Variants in PPTC7 observed in about 807,000 individuals in gnomAD.
The protein encoded by PPTC7 is protein phosphatase targeting COQ7.
PPTC7 carries 6 observed loss-of-function variants against 30.8 expected under a neutral mutation model. The observed-to-expected ratio is 0.19, with a 90% confidence interval of 0.11 to 0.38. The LOEUF (loss-of-function observed/expected upper bound fraction) is 0.38. PPTC7 is among the 10% of genes least tolerant of loss of function. The probability of loss-of-function intolerance (pLI) is 1.00; values close to 1 mark genes in which losing one functional copy is unlikely to be tolerated. For synonymous variants in PPTC7, 163 were observed against 168.1 expected, an observed-to-expected ratio of 0.97 and a Z score of 0.23; for missense variants, 218 against 404.8, an observed-to-expected ratio of 0.54 and a Z score of 3.96.
intron 5 of PPTC7, 101 bp downstream of exon 5, chr12:110,538,043 G>T: frequency 7.7e-7 from 1 of 1,295,956 alleles, no homozygotes; most frequent in Non-Finnish European, 1.1e-6. Flanking sequence ...TTGGGGGCTG[G>T]GAGAGGACAC....
intron 3 of PPTC7, among the ~76,000 whole-genome samples, chr12:110,540,800 G>A (rs1378494711): frequency 6.7e-6 from 1 of 149,292 alleles, no homozygotes; most frequent in Non-Finnish European, 1.5e-5. Context: ...TTTTGAGACA[G>A]AGTCTCGCTC....
chr12:110,564,487 T>C (rs942555617), intron 1 of PPTC7, among the ~76,000 whole-genome samples: 1 of 152,202 alleles, frequency 6.6e-6, no homozygotes, highest in Non-Finnish European at 1.5e-5. Flanking sequence ...AGATTAGATC[T>C]AGAATTCTTG....
intron 1 of PPTC7, among the ~76,000 whole-genome samples, chr12:110,581,898 C>A (rs564494167): frequency 1.3e-4 from 20 of 152,274 alleles, no homozygotes; most frequent in East Asian, 3.9e-4. Context: ...TCAAAGCGAG[C>A]GCATTGCTTT....
intron 3 of PPTC7, among the ~76,000 whole-genome samples, chr12:110,540,247 A>G (rs953793883): frequency 4.6e-5 from 7 of 151,802 alleles, no homozygotes; most frequent in Admixed American, 4.6e-4. Context: ...GTCAGATCTA[A>G]CACACCTCTA....
rs753427436 is a variant in PPTC7, at chr12:110,539,918, G to A, written c.630C>T (p.Phe210=). Reference sequence around the variant, plus strand: ...GGATAATGTCTCCTAGCTGGACATCGAAAGACGTGCTATCAGCAGCATCCG... The same window carrying A: ...GGATAATGTCTCCTAGCTGGACATCAAAAGACGTGCTATCAGCAGCATCCG... ...DSPDAADSTS[F]DVQLGDIILT... The change falls in exon 4 of 6, where the codon TTC becomes TTT. Residue 210 remains phenylalanine (F), a synonymous_variant. Transcript: ENST00000354300. The A allele has an allele frequency of 1.9e-6, 3 of 1,614,024 alleles. No homozygotes were observed. The highest frequency in any genetic ancestry group is 2.2e-5 in the East Asian group (1 of 44,880).
chr12:110,538,084 T>C (rs1052682074), intron 5 of PPTC7, 60 bp downstream of exon 5: 3 of 1,576,540 alleles, frequency 1.9e-6, no homozygotes, highest in African/African-American at 2.7e-5. Context: ...CCCAGAATGC[T>C]CCACTCTACT....
At chr12:110,565,954 A>G (rs1035822653) in intron 1 of PPTC7, among the ~76,000 whole-genome samples, 1 of 152,252 alleles carries the variant, frequency 6.6e-6, no homozygotes, top group Non-Finnish European at 1.5e-5. Flanking sequence ...ATGAAAGAAA[A>G]TGAGTTGTAG....
intron 1 of PPTC7, among the ~76,000 whole-genome samples, chr12:110,560,401 C>CAA (rs377025532): frequency 1.7e-4 from 24 of 137,162 alleles, no homozygotes; most frequent in South Asian, 1.2e-3. Flanking sequence ...GACCCTGTCT[C>CAA]AAAAAATAAA....
chr12:110,571,804 A>G (rs990126833), intron 1 of PPTC7, among the ~76,000 whole-genome samples: 2 of 152,224 alleles, frequency 1.3e-5, no homozygotes, highest in African/African-American at 4.8e-5. Flanking sequence ...GAAAAAAATG[A>G]CAGGATCAAA....
intron 1 of PPTC7, among the ~76,000 whole-genome samples, chr12:110,553,397 G>T (rs981154708): frequency 1.3e-5 from 2 of 151,866 alleles, no homozygotes; most frequent in African/African-American, 4.8e-5. Context: ...GCCAGCCTCG[G>T]CCTCCCAAAG....
chr12:110,569,684 T>A (rs927135347), intron 1 of PPTC7, among the ~76,000 whole-genome samples: 1 of 152,174 alleles, frequency 6.6e-6, no homozygotes, highest in Admixed American at 6.5e-5. Context: ...ACAAAACAAA[T>A]AGGGCTATAC....
At chr12:110,574,468 A>T (rs956279191) in intron 1 of PPTC7, among the ~76,000 whole-genome samples, 2 of 152,158 alleles carry the variant, frequency 1.3e-5, no homozygotes, top group African/African-American at 2.4e-5. Flanking sequence ...TTTACTCCTT[A>T]AAGAAAAGCT....
intron 3 of PPTC7, among the ~76,000 whole-genome samples, chr12:110,540,653 C>G (rs556843327): frequency 1.3e-5 from 2 of 151,950 alleles, no homozygotes; most frequent in Non-Finnish European, 2.9e-5. Flanking sequence ...TAATCACCAG[C>G]CACCCAGCCC....
chr12:110,573,172 G>A (rs898051397), intron 1 of PPTC7, among the ~76,000 whole-genome samples: 6 of 152,130 alleles, frequency 3.9e-5, no homozygotes, highest in South Asian at 2.1e-4. Flanking sequence ...GAGCCACCAC[G>A]TCCGGCCCTA....
intron 1 of PPTC7, among the ~76,000 whole-genome samples, chr12:110,555,738 A>G (rs948607861): frequency 2.6e-5 from 4 of 152,212 alleles, no homozygotes; most frequent in South Asian, 4.1e-4. Flanking sequence ...AAGGAACAGC[A>G]CATTTCATTG....
At chr12:110,556,069 C>A (rs1290192899) in intron 1 of PPTC7, among the ~76,000 whole-genome samples, 1 of 152,216 alleles carries the variant, frequency 6.6e-6, no homozygotes, top group Non-Finnish European at 1.5e-5. Context: ...CCATTAAAAT[C>A]TAAGATAACG....
chr12:110,549,632 T>C (rs2135770274), intron 2 of PPTC7, among the ~76,000 whole-genome samples: 1 of 152,330 alleles, frequency 6.6e-6, no homozygotes, highest in East Asian at 1.9e-4. Flanking sequence ...TTTTCTCTAA[T>C]ATTAAATTTA....
At chr12:110,573,697 ACAGGC>A (rs1308219179) in intron 1 of PPTC7, among the ~76,000 whole-genome samples, 6 of 152,186 alleles carry the variant, frequency 3.9e-5, no homozygotes, top group Admixed American at 2.6e-4. Context: ...AAAGCACTAC[ACAGGC>A]CAGGCACGGT....
chr12:110,548,446 C>T (rs1042273875), intron 2 of PPTC7, among the ~76,000 whole-genome samples: 6 of 152,156 alleles, frequency 3.9e-5, no homozygotes, highest in Admixed American at 2.0e-4. Flanking sequence ...TAAGTGTCAA[C>T]GAAAAGCAAA....
Sources: gnomAD v4.1 joint callset for allele counts (sites outside exome capture counted in the v4.1 genomes callset) on GRCh38, gnomAD v4.1.1 for gene constraint, MANE v1.5 for transcripts, NCBI Gene and HGNC (gene_info 2026-07-23, HGNC 2026-07-21) for gene names.